IFFO1: variants seen among roughly 807,000 people sequenced by gnomAD.
IFFO1 encodes non-homologous end joining factor IFFO1.
IFFO1 carries 42 observed loss-of-function variants against 59.6 expected under a neutral mutation model. The observed-to-expected ratio is 0.70, with a 90% CI of 0.55 to 0.91. The LOEUF is 0.91. Ranked by LOEUF, IFFO1 falls within the 40% of genes least tolerant of loss-of-function variation. The probability of loss-of-function intolerance (pLI) is 0.00; values close to 1 mark genes in which losing one functional copy is unlikely to be tolerated. For synonymous variants in IFFO1, 336 were observed against 342.8 expected (o/e 0.98, Z 0.22); for missense variants, 711 against 793.2 (o/e 0.90, Z 1.24).
chr12:6,551,662 C>A, intron 1 of IFFO1: 1 of 413,194 alleles, frequency 2.4e-6, no homozygotes, highest in South Asian at 1.8e-5. Context: ...AGTCCCACAG[C>A]AGCATGACAG....
intron 8 of IFFO1, among the ~76,000 whole-genome samples, chr12:6,543,214 C>T (rs944557097): frequency 6.6e-6 from 1 of 152,162 alleles, no homozygotes; most frequent in Non-Finnish European, 1.5e-5. Flanking sequence ...AAGATAAAGG[C>T]ACCTTGGGTA....
chr12:6,541,709 C>A lies in IFFO1; in HGVS notation c.1480-67G>T. ...GTTCACAGCGCCTCTGTTGCCCCCG[C>A]CAGGAGGCCAACACGCCAAGAGCAG... On this transcript the variant is annotated intron_variant, in intron 8 of 9. Transcript: ENST00000619571. The surrounding 1 kb of genome is among the most constrained non-coding windows in gnomAD (Gnocchi z 4.8). The A allele has an allele frequency of 1.9e-6, 3 of 1,597,166 alleles. No homozygotes were observed. Among genetic ancestry groups the A allele is most frequent in the South Asian group, 2.2e-5 (2 of 90,456 alleles).
Position 6,556,006 on chromosome 12 carries a change from G to A in IFFO1, c.24C>T (p.Asn8=). The change falls in exon 1 of 10, where the codon AAC becomes AAT. Residue 8 remains asparagine, a synonymous_variant. Transcript: ENST00000619571. ...GCTGCTCCTGCTGCAGGAGGAAGAG[G>A]TTGGGGCCGAATAACGGATTCATGG... MNPLFGP[N]LFLLQQEQQG... 6.3e-7 allele frequency: 1 copy of A among 1,581,330 alleles called. No homozygotes were observed. Among genetic ancestry groups the A allele is most frequent in the South Asian group, 1.1e-5 (1 of 88,334 alleles).
chr12:6,555,933 C>A lies in IFFO1; in HGVS notation c.97G>T (p.Ala33Ser), dbSNP rs1296848054. The stretch of plus-strand genomic sequence containing the variant: ...GCCGGGGGCAAGTCTCCTCCCCCGG[C>A]GAAGTGGTCGCCTCCCAGTGAGTCC... ...LGDSLGGDHF[A>S]GGGDLPPAPL... is the part of the protein sequence containing the mutation. Residue 33 changes from alanine to serine, a missense_variant, in exon 1 of 10, where the codon GCC becomes TCC. Ala to Ser is a moderately conservative substitution (Grantham distance 99). Coordinates refer to ENST00000619571, the MANE Select transcript of IFFO1 (RefSeq NM_001193457.2). This position sits in a 1 kb window ranked among gnomAD's most constrained non-coding sequence, Gnocchi z 8.6. 1.9e-6 allele frequency: 3 copies of A among 1,550,286 alleles called. No individual in the cohort carries two copies. The highest frequency in any genetic ancestry group is 1.7e-6 in the Non-Finnish European group (2 of 1,153,936).
At position 6,541,197 on chromosome 12, in the gene IFFO1, C is replaced by T. The variant is rs1056396109; in HGVS notation, c.1610+315G>A. Among the ~76,000 whole-genome samples, 21 of 152,152 alleles carry T rather than the reference C, an allele frequency of 1.4e-4. No individual in the cohort carries two copies. Among genetic ancestry groups the T allele is most frequent in the Non-Finnish European group, 2.2e-4 (15 of 68,022 alleles). On this transcript the variant is annotated intron_variant, in intron 9 of 9. Coordinates refer to ENST00000619571, the MANE Select transcript of IFFO1 (RefSeq NM_001193457.2). The surrounding 1 kb of genome is among the most constrained non-coding windows in gnomAD (Gnocchi z 4.8). The stretch of plus-strand genomic sequence containing the variant: ...ACAGGGTCAAATGCACAAATCATGG[C>T]CCTGACTTTAGATAAAAATCTGCCC...
Position 6,549,570 on chromosome 12 carries a change from T to A in IFFO1, c.1072-86A>T. 7.5e-7 allele frequency: 1 copy of A among 1,333,762 alleles called. No individual in the cohort carries two copies. The allele number at this position is 1,333,762 out of a possible 1,614,324, so 82.6% of individuals were successfully genotyped here. ...GAGAGGGGGAAGGGAGAGACGGCGT[T>A]AGAGACAGCTTCCACGATGCCCCTC... is the stretch of plus-strand genomic sequence containing the variant. On this transcript the variant is annotated intron_variant, in intron 4 of 9. Coordinates refer to ENST00000619571, the MANE Select transcript of IFFO1 (RefSeq NM_001193457.2). This position sits in a 1 kb window ranked among gnomAD's most constrained non-coding sequence, Gnocchi z 5.0.
intron 8 of IFFO1, chr12:6,543,493 A>C (rs1270956073): frequency 6.6e-6 from 1 of 152,610 alleles, no homozygotes; most frequent in Non-Finnish European, 1.5e-5. Context: ...TGTGCATGCG[A>C]GGGATCTAGG....
chr12:6,546,516 C>G (rs1410598989), intron 8 of IFFO1, among the ~76,000 whole-genome samples: 1 of 152,220 alleles, frequency 6.6e-6, no homozygotes, highest in Non-Finnish European at 1.5e-5. Flanking sequence ...CGGAGTCTTG[C>G]TCTGTCGCCC....
rs375834908 is a variant in IFFO1, at chr12:6,549,888, C to G, written c.939G>C (p.Ser313=). 1.1e-5 allele frequency: 18 copies of G among 1,613,646 alleles called. No homozygotes were observed. The highest frequency in any genetic ancestry group is 1.4e-5 in the Non-Finnish European group (16 of 1,179,734). ...TCTCCTGGATCTTGGTGTCCAGCTCCGACAGGTTCTGTCCAGGGAGCCCAG... is the reference window on the plus strand; with the variant it reads ...TCTCCTGGATCTTGGTGTCCAGCTCGGACAGGTTCTGTCCAGGGAGCCCAG... ...VFKGLMSNNL[S]ELDTKIQEKA... The change falls in exon 4 of 10, where the codon TCG becomes TCC. Residue 313 remains serine (S), a synonymous_variant. Coordinates refer to ENST00000619571, the MANE Select transcript of IFFO1 (RefSeq NM_001193457.2). The surrounding 1 kb of genome is among the most constrained non-coding windows in gnomAD (Gnocchi z 5.0).
intron 1 of IFFO1, chr12:6,551,516 T>C (rs778873259): frequency 5.2e-5 from 66 of 1,279,072 alleles, no homozygotes; most frequent in Admixed American, 1.6e-4. Flanking sequence ...GCAGGACACA[T>C]AGTGTATCAA....
chr12:6,550,811 G>A (rs112892336), intron 2 of IFFO1, 21 bp from the exon 3 acceptor site: 5 of 1,611,356 alleles, frequency 3.1e-6, no homozygotes, highest in Non-Finnish European at 4.2e-6. Flanking sequence ...GAGAAACCCT[G>A]ATGTTGGTGG....
Position 6,548,279 on chromosome 12 carries a change from G to T in IFFO1, c.1384-119C>A. ...AGTCTGGTTAAAGAAACTGGAGAAA[G>T]AAAAGCAAAAGGATAAAGGAAGAGG... On this transcript the variant is annotated intron_variant, in intron 7 of 9. Transcript: ENST00000619571. This position sits in a 1 kb window ranked among gnomAD's most constrained non-coding sequence, Gnocchi z 6.1. 1 of 1,361,886 alleles carries T rather than the reference G, an allele frequency of 7.3e-7. No individual in the cohort carries two copies. The highest frequency in any genetic ancestry group is 1.2e-5 in the South Asian group (1 of 84,168). 84.4% of individuals were successfully genotyped at this position (1,361,886 alleles called of 1,614,324 possible).
intron 1 of IFFO1, among the ~76,000 whole-genome samples, chr12:6,552,675 T>C (rs959031164): frequency 6.6e-6 from 1 of 152,148 alleles, no homozygotes; most frequent in African/African-American, 2.4e-5. Context: ...AGGGGCTATC[T>C]GACAGTGAGC....
chr12:6,550,638 C>T, intron 3 of IFFO1, 57 bp downstream of exon 3: 2 of 1,372,634 alleles, frequency 1.5e-6, no homozygotes, highest in Non-Finnish European at 2.1e-6. Flanking sequence ...GAAGGGCCTA[C>T]TCTTCTGGCC....
rs923779681 is a variant in IFFO1 at position 6,549,610 on chromosome 12, T to C, written c.1072-126A>G. ...CGATGCCCCTCCTGATGCTGCTCCTTACCCCCCAGTCTAGCCCCGTGAGGG... is the reference window on the plus strand; with the variant it reads ...CGATGCCCCTCCTGATGCTGCTCCTCACCCCCCAGTCTAGCCCCGTGAGGG... On this transcript the variant is annotated intron_variant, in intron 4 of 9. Transcript: ENST00000619571. The surrounding 1 kb of genome is among the most constrained non-coding windows in gnomAD (Gnocchi z 5.0). The C allele has an allele frequency of 1.5e-6, 2 of 1,348,984 alleles. No homozygotes were observed. Among genetic ancestry groups the C allele is most frequent in the Admixed American group, 1.8e-5 (1 of 55,052 alleles). The allele number at this position is 1,348,984 out of a possible 1,614,324, so 83.6% of individuals were successfully genotyped here.
chr12:6,555,692 T>A lies in IFFO1; in HGVS notation c.338A>T (p.Lys113Met). The change falls in exon 1 of 10, where the codon AAG becomes ATG. Residue 113 changes from lysine (K) to methionine (M), a missense_variant. Transcript: ENST00000619571. This position sits in a 1 kb window ranked among gnomAD's most constrained non-coding sequence, Gnocchi z 8.6. ...KQLQQALEEG[K>M]QGRRGLGRRD... The stretch of plus-strand genomic sequence containing the variant: ...ACGACCCAGGCCCCGCCGGCCCTGC[T>A]TACCCTCCTCCAGCGCTTGCTGCAG... 6.2e-7 allele frequency: 1 copy of A among 1,611,414 alleles called. No homozygotes were observed. The highest frequency in any genetic ancestry group is 8.5e-7 in the Non-Finnish European group (1 of 1,179,018).
chr12:6,542,064 C>A (rs1366483702), intron 8 of IFFO1, among the ~76,000 whole-genome samples: 1 of 152,132 alleles, frequency 6.6e-6, no homozygotes, highest in Non-Finnish European at 1.5e-5. Context: ...TAAGGGTTAG[C>A]GACAGGTTTT....
intron 9 of IFFO1, 40 bp from the exon 10 acceptor site, chr12:6,540,628 G>A (rs1217444327): frequency 2.6e-6 from 4 of 1,531,684 alleles, no homozygotes; most frequent in East Asian, 4.5e-5. Flanking sequence ...GGGCAGGCAG[G>A]AATCCTGAAG....
At position 6,555,518 on chromosome 12, in the gene IFFO1, G is replaced by T; in HGVS notation, c.512C>A (p.Ala171Glu). ...GGTGGAGGACGACGAGAGGCTGGCC[G>T]CGGAGGGCGCGAGGGGGCCGGCCGG... ...RSPAGPLAPS[A>E]ASLSSSSTST... is the part of the protein sequence containing the mutation. Residue 171 changes from alanine to glutamate, a missense_variant, in exon 1 of 10, where the codon GCG becomes GAG. Physicochemically the swap from Ala to Glu is moderately radical, Grantham distance 107 (BLOSUM62 -1). Around this residue, in one of 3 missense-constraint regions of IFFO1, gnomAD observed 579 missense variants for 650.3 expected, o/e 0.89. Transcript: ENST00000619571. The surrounding 1 kb of genome is among the most constrained non-coding windows in gnomAD (Gnocchi z 8.6). The T allele has an allele frequency of 6.4e-7, 1 of 1,574,620 alleles. No homozygotes were observed. The highest frequency in any genetic ancestry group is 2.4e-5 in the East Asian group (1 of 41,914).
Sources: allele counts gnomAD v4.1 joint callset (sites outside exome capture counted in the v4.1 genomes callset), GRCh38; gene constraint gnomAD v4.1.1; regional missense constraint gnomAD v4.1.1; non-coding constraint Gnocchi (gnomAD v3.1); transcripts MANE v1.5; gene names NCBI Gene and HGNC (gene_info 2026-07-23, HGNC 2026-07-21).